The following SIRT4 variants were observed in gnomAD, a reference collection of about 807,000 sequenced individuals.
The protein encoded by SIRT4 is sirtuin 4.
In SIRT4, 23 loss-of-function variants were observed where a neutral mutation model predicts 26.1. That is an observed-to-expected ratio of 0.88 (90% CI 0.63 to 1.25). The LOEUF is 1.25. SIRT4 is among the 50% of genes most tolerant of loss of function. SIRT4 has a pLI of 0.00. For missense variants in SIRT4, 361 were observed against 405.4 expected (o/e 0.89, Z 0.94); for synonymous variants, 155 against 158.4 (o/e 0.98, Z 0.16).
At chr12:120,293,545 A>G in the SIRT4 span, among the ~76,000 whole-genome samples, 1 of 152,210 alleles carries the variant, frequency 6.6e-6, no homozygotes, top group Non-Finnish European at 1.5e-5. Flanking sequence ...CTCCAGATTC[A>G]GTGTAACAGA....
the SIRT4 span, among the ~76,000 whole-genome samples, chr12:120,296,248 C>T: frequency 1.3e-5 from 2 of 151,200 alleles, no homozygotes; most frequent in Admixed American, 6.6e-5. Context: ...GACGGAGTCT[C>T]GCTCTGTCGC....
intron 2 of SIRT4, among the ~76,000 whole-genome samples, chr12:120,309,437 A>T (rs1325203532): frequency 1.4e-5 from 2 of 142,324 alleles, no homozygotes; most frequent in Admixed American, 7.1e-5. Flanking sequence ...TTTGAGACAG[A>T]GTCTCACTCT....
chr12:120,312,152 G>A (rs754868988), intron 2 of SIRT4, among the ~76,000 whole-genome samples: 8 of 152,026 alleles, frequency 5.3e-5, no homozygotes, highest in Admixed American at 2.6e-4. Flanking sequence ...GCGAGATGGC[G>A]CGTGTTTGTA....
intron 2 of SIRT4, among the ~76,000 whole-genome samples, chr12:120,306,944 C>T (rs189605515): frequency 4.9e-4 from 74 of 152,300 alleles, no homozygotes; most frequent in Middle Eastern, 3.4e-3. Context: ...TAGACCATAA[C>T]GTAGCCGGGC....
chr12:120,312,481 C>A lies in SIRT4; in HGVS notation c.523C>A (p.Gln175Lys). The change falls in exon 3 of 4, where the codon CAG (glutamine) becomes AAG (lysine). Residue 175 changes from glutamine (Q) to lysine (K), a missense_variant. Transcript: ENST00000202967. The part of the protein sequence containing the change: ...DRVLCLDCGE[Q>K]TPRGVLQERF... ...GGTCCTGTGCTTGGATTGTGGGGAA[C>A]AGACTCCCCGGGGGGTGCTGCAAGA... The A allele has an allele frequency of 1.2e-6, 2 of 1,613,522 alleles. No individual in the cohort carries two copies. The highest frequency in any genetic ancestry group is 1.7e-6 in the Non-Finnish European group (2 of 1,179,746).
At chr12:120,295,655 G>A in the SIRT4 span, among the ~76,000 whole-genome samples, 1 of 151,796 alleles carries the variant, frequency 6.6e-6, no homozygotes, top group African/African-American at 2.4e-5. Context: ...TTCAAAAAGA[G>A]GCTCAAATAA....
At chr12:120,301,215 T>G (rs1166383456), upstream of SIRT4, among the ~76,000 whole-genome samples, 1 of 152,058 alleles carries the variant, frequency 6.6e-6, no homozygotes, top group Admixed American at 6.6e-5. Flanking sequence ...CGTAGTGGCA[T>G]GCGCCCATAA....
intron 1 of SIRT4, 147 bp from the exon 2 acceptor site, chr12:120,303,414 A>T: frequency 2.3e-6 from 2 of 864,088 alleles, no homozygotes; most frequent in Non-Finnish European, 3.4e-6. Context: ...GGCGGCGGTT[A>T]CAGTGAGCCA....
Position 120,312,493 on chromosome 12 carries a change from G to C in SIRT4, c.535G>C (p.Gly179Arg), listed in dbSNP as rs761906475. ...CLDCGEQTPR[G>R]VLQERFQVLN... ...GGATTGTGGGGAACAGACTCCCCGGGGGGTGCTGCAAGAGCGTTTCCAAGT... is the reference window on the plus strand; with the variant it reads ...GGATTGTGGGGAACAGACTCCCCGGCGGGTGCTGCAAGAGCGTTTCCAAGT... The change falls in exon 3 of 4, where the codon GGG (glycine) becomes CGG (arginine). Residue 179 changes from glycine to arginine, a missense_variant. Physicochemically the swap from Gly to Arg is moderately radical, Grantham distance 125. Coordinates refer to ENST00000202967, the MANE Select transcript of SIRT4 (RefSeq NM_012240.3). 6 of 1,614,006 alleles carry C rather than the reference G, an allele frequency of 3.7e-6. No homozygotes were observed. In the East Asian group the frequency reaches 8.9e-5, roughly 24 times the overall value.
At chr12:120,301,730 T>C (rs774740303), upstream of SIRT4, among the ~76,000 whole-genome samples, 3 of 152,024 alleles carry the variant, frequency 2.0e-5, no homozygotes, top group South Asian at 4.1e-4. Flanking sequence ...AAACATCTCA[T>C]GTGGGTAAAG....
At chr12:120,302,211 AG>A (rs1872573986), upstream of SIRT4, 1 of 152,222 alleles carries the variant, frequency 6.6e-6, no homozygotes, top group African/African-American at 2.4e-5. Flanking sequence ...AAGAGCCGAC[AG>A]GGGGCGTTCC....
chr12:120,292,041 G>C, the SIRT4 span: 1 of 152,180 alleles, frequency 6.6e-6, no homozygotes, highest in East Asian at 1.9e-4. Context: ...TGCATAGGAG[G>C]TTTCTTGTTG....
At chr12:120,294,006 C>CTTTTTTTTTA in the SIRT4 span, among the ~76,000 whole-genome samples, 1 of 84,014 alleles carries the variant, frequency 1.2e-5, no homozygotes, top group Non-Finnish European at 2.1e-5. Context: ...GAGATGTTAT[C>CTTTTTTTTTA]TTTTTTTTTT....
chr12:120,311,299 G>A (rs1321809975), intron 2 of SIRT4, among the ~76,000 whole-genome samples: 5 of 151,588 alleles, frequency 3.3e-5, no homozygotes, highest in Admixed American at 3.3e-4. Context: ...AGGTTGCGGT[G>A]AGCCAAGATC....
chr12:120,292,796 G>C, the SIRT4 span, among the ~76,000 whole-genome samples: 19 of 150,486 alleles, frequency 1.3e-4, no homozygotes, highest in Non-Finnish European at 1.6e-4. Context: ...CTGAGCGACA[G>C]ACTTCGTCTC....
At chr12:120,311,682 C>A (rs1356338552) in intron 2 of SIRT4, among the ~76,000 whole-genome samples, 1 of 126,738 alleles carries the variant, frequency 7.9e-6, no homozygotes, top group Non-Finnish European at 1.6e-5. Flanking sequence ...TTGCGGTGAG[C>A]CAAGATCATG....
At chr12:120,292,388 G>A in the SIRT4 span, among the ~76,000 whole-genome samples, 1 of 152,128 alleles carries the variant, frequency 6.6e-6, no homozygotes, top group Non-Finnish European at 1.5e-5. Flanking sequence ...GGATCACGAG[G>A]TCAGGAGTTC....
At chr12:120,292,733 CAG>C in the SIRT4 span, among the ~76,000 whole-genome samples, 9 of 124,018 alleles carry the variant, frequency 7.3e-5, no homozygotes, top group Admixed American at 2.6e-4. Context: ...AATCGCTAAA[CAG>C]GGGTTCGGCA....
At chr12:120,300,570 T>C (rs1466685463), upstream of SIRT4, among the ~76,000 whole-genome samples, 1 of 152,094 alleles carries the variant, frequency 6.6e-6, no homozygotes, top group African/African-American at 2.4e-5. Context: ...CCTGAGCCTC[T>C]TGAGTAGCTG....
Sources: gnomAD v4.1 joint callset for allele counts (sites outside exome capture counted in the v4.1 genomes callset) on GRCh38, gnomAD v4.1.1 for gene constraint, MANE v1.5 for transcripts, NCBI Gene and HGNC (gene_info 2026-07-23, HGNC 2026-07-21) for gene names.